ROCK2: variants seen among roughly 807,000 people sequenced by gnomAD.
The protein encoded by ROCK2 is Rho associated coiled-coil containing protein kinase 2, also known as rho-associated protein kinase 2.
ROCK2 carries 61 observed loss-of-function variants against 195.1 expected under a neutral mutation model. The ratio of observed to expected loss-of-function variants is 0.31; its 90% CI spans 0.25 to 0.39. ROCK2 has a LOEUF of 0.39. Among genes scored for constraint, ROCK2 ranks in the 10% least tolerant of loss-of-function variants. The pLI, the probability that ROCK2 is intolerant of heterozygous loss-of-function variation, is 1.00. For synonymous variants in ROCK2, 504 were observed against 545.5 expected, an observed-to-expected ratio of 0.92 and a Z score of 1.06; for missense variants, 1,109 against 1,637.4, an observed-to-expected ratio of 0.68 and a Z score of 5.57.
chr2:11,184,942 A>G (rs1361705148), intron 32 of ROCK2, among the ~76,000 whole-genome samples: 2 of 152,220 alleles, frequency 1.3e-5, no homozygotes, highest in Non-Finnish European at 2.9e-5. Context: ...CTTGCCCTTT[A>G]TATATAAATG....
intron 29 of ROCK2, 82 bp from the exon 30 acceptor site, chr2:11,193,939 G>C (rs916504214): frequency 1.4e-6 from 1 of 697,162 alleles, no homozygotes; most frequent in Non-Finnish European, 2.4e-6. Flanking sequence ...TACATCAGAC[G>C]TTAAACACTG....
chr2:11,312,843 A>G (rs897190482), intron 1 of ROCK2, among the ~76,000 whole-genome samples: 1 of 152,142 alleles, frequency 6.6e-6, no homozygotes, highest in Non-Finnish European at 1.5e-5. Flanking sequence ...ACTTAAATGC[A>G]TATTTCTACG....
intron 18 of ROCK2, among the ~76,000 whole-genome samples, chr2:11,209,266 CTGTT>C (rs1042550707): frequency 2.0e-5 from 3 of 152,196 alleles, no homozygotes; most frequent in Admixed American, 6.5e-5. Context: ...GGGTCTAACA[CTGTT>C]TGACTGGGCA....
intron 3 of ROCK2, among the ~76,000 whole-genome samples, chr2:11,266,384 T>C (rs1306554688): frequency 6.6e-6 from 1 of 152,194 alleles, no homozygotes; most frequent in Non-Finnish European, 1.5e-5. Context: ...AGCTCCATTA[T>C]AGTCTTTGGG....
At chr2:11,183,675 C>T (rs1301548490) in intron 32 of ROCK2, among the ~76,000 whole-genome samples, 1 of 152,174 alleles carries the variant, frequency 6.6e-6, no homozygotes, top group Non-Finnish European at 1.5e-5. Flanking sequence ...TAGCTACACA[C>T]ATTACACACA....
chr2:11,222,647 T>A (rs572009008), intron 7 of ROCK2, among the ~76,000 whole-genome samples: 1 of 152,152 alleles, frequency 6.6e-6, no homozygotes, highest in African/African-American at 2.4e-5. Context: ...TCTGGTAAAG[T>A]ATATCTCTAC....
intron 1 of ROCK2, among the ~76,000 whole-genome samples, chr2:11,333,606 G>A (rs1054052267): frequency 1.3e-5 from 2 of 152,272 alleles, no homozygotes; most frequent in African/African-American, 4.8e-5. Flanking sequence ...CTTAATACCT[G>A]ACAAATTCTC....
chr2:11,197,802 A>G lies in ROCK2; in HGVS notation c.3100-97T>C, dbSNP rs1663695816. ...CAAGAGCAACAAGTTATACAATCAC[A>G]AATACTCTCCTTCCCTACATACAGG... is the stretch of plus-strand genomic sequence containing the variant. On this transcript the variant is annotated intron_variant, in intron 25 of 32. Coordinates refer to ENST00000315872, the MANE Select transcript of ROCK2 (RefSeq NM_004850.5). This position sits in a 1 kb window ranked among gnomAD's most constrained non-coding sequence, Gnocchi z 4.9. 1.4e-6 allele frequency: 1 copy of G among 738,180 alleles called. No individual in the cohort carries two copies. Among genetic ancestry groups the G allele is most frequent in the Non-Finnish European group, 2.0e-6 (1 of 512,326 alleles). 45.7% of individuals were successfully genotyped at this position (738,180 alleles called of 1,614,324 possible).
chr2:11,224,837 T>C (rs2148081156), intron 6 of ROCK2, among the ~76,000 whole-genome samples: 1 of 152,210 alleles, frequency 6.6e-6, no homozygotes, highest in East Asian at 1.9e-4. Context: ...GATCAGCATT[T>C]TGAAATCATT....
intron 9 of ROCK2, among the ~76,000 whole-genome samples, chr2:11,219,880 T>A (rs1006163062): frequency 3.2e-4 from 48 of 151,034 alleles, no homozygotes; most frequent in African/African-American, 1.1e-3. Flanking sequence ...TTTTTTTTTT[T>A]AAGACATGGT....
chr2:11,241,048 G>A lies in ROCK2; in HGVS notation c.463-5086C>T, dbSNP rs987863918. The stretch of plus-strand genomic sequence containing the variant: ...ATAATGTAGTTTTATTTATAAGAGA[G>A]AAAAACTGGAAAAAACCTGAATGTC... On this transcript the variant is annotated intron_variant, in intron 4 of 32. Transcript: ENST00000315872. Among the ~76,000 whole-genome samples the A allele has an allele frequency of 3.9e-5, 6 of 152,066 alleles. No homozygotes were observed. The East Asian group carries it at 9.6e-4, about 24-fold the overall frequency.
intron 1 of ROCK2, among the ~76,000 whole-genome samples, chr2:11,301,964 C>T (rs1667721564): frequency 6.7e-6 from 1 of 150,196 alleles, no homozygotes; most frequent in Non-Finnish European, 1.5e-5. Flanking sequence ...CACCACCACG[C>T]CCTGCTTATT....
At chr2:11,196,123 A>G (rs995711450) in intron 27 of ROCK2, among the ~76,000 whole-genome samples, 3 of 152,174 alleles carry the variant, frequency 2.0e-5, no homozygotes, top group Admixed American at 6.5e-5. Flanking sequence ...AACAGGAATT[A>G]TTTTCCTAAT....
intron 1 of ROCK2, among the ~76,000 whole-genome samples, chr2:11,288,308 A>G (rs73915151): frequency 0.023 from 3,445 of 152,310 alleles, 60 homozygotes; most frequent in East Asian, 0.053. Context: ...TAAAACAGAA[A>G]AAAACTATAT....
At chr2:11,187,804 T>C (rs1663253001) in intron 32 of ROCK2, among the ~76,000 whole-genome samples, 1 of 152,242 alleles carries the variant, frequency 6.6e-6, no homozygotes, top group Non-Finnish European at 1.5e-5. Flanking sequence ...TATTCACCTA[T>C]GGATTTATTT....
chr2:11,343,466 G>T (rs1669172801), intron 1 of ROCK2, among the ~76,000 whole-genome samples: 1 of 152,194 alleles, frequency 6.6e-6, no homozygotes, highest in Non-Finnish European at 1.5e-5. Context: ...TAAATAGCAA[G>T]TATGGAATGC....
At chr2:11,203,912 T>C (rs1288949843) in intron 20 of ROCK2, among the ~76,000 whole-genome samples, 2 of 152,222 alleles carry the variant, frequency 1.3e-5, no homozygotes, top group Non-Finnish European at 2.9e-5. Flanking sequence ...CAGGACCTTC[T>C]TCAAGAGCTG....
intron 25 of ROCK2, 49 bp downstream of exon 25, chr2:11,198,442 A>G: frequency 1.6e-6 from 2 of 1,284,086 alleles, no homozygotes; most frequent in African/African-American, 1.5e-5. Context: ...TGTAAAAGAG[A>G]TAAACTGAGA....
intron 1 of ROCK2, among the ~76,000 whole-genome samples, chr2:11,290,059 G>A (rs72787698): frequency 0.043 from 6,473 of 152,072 alleles, 278 homozygotes; most frequent in Non-Finnish European, 0.06. Flanking sequence ...AGGCCTTTAC[G>A]TTTATAATTT....
Sources: gnomAD v4.1 joint callset for allele counts (sites outside exome capture counted in the v4.1 genomes callset) on GRCh38, gnomAD v4.1.1 for gene constraint, Gnocchi (gnomAD v3.1) non-coding constraint, MANE v1.5 for transcripts, NCBI Gene and HGNC (gene_info 2026-07-23, HGNC 2026-07-21) for gene names.